The following RNF130 variants were observed in gnomAD, a reference collection of about 807,000 sequenced individuals.
RNF130 encodes the protein ring finger protein 130, also known as E3 ubiquitin-protein ligase RNF130.
RNF130 carries 21 observed loss-of-function variants against 44.6 expected under a neutral mutation model. That is an observed-to-expected ratio of 0.47 (90% confidence interval 0.33 to 0.68). RNF130 has a LOEUF of 0.68. RNF130 is among the 30% of genes least tolerant of loss of function. RNF130 has a pLI of 0.02. For missense variants in RNF130, 479 were observed against 560.6 expected (o/e 0.85, Z 1.47); for synonymous variants, 214 against 210.4 (o/e 1.02, Z -0.15).
chr5:180,025,142 T>C (rs562141427), intron 2 of RNF130, among the ~76,000 whole-genome samples: 1 of 152,214 alleles, frequency 6.6e-6, no homozygotes, highest in Admixed American at 6.5e-5. Context: ...CTAACACCTA[T>C]AGCCTAAGGC....
chr5:179,990,082 A>G (rs184128995), intron 3 of RNF130, among the ~76,000 whole-genome samples: 1 of 152,290 alleles, frequency 6.6e-6, no homozygotes, highest in Admixed American at 6.5e-5. Flanking sequence ...AGATTGCAGA[A>G]ATAAAGACAC....
chr5:179,987,699 C>A (rs918408852), intron 3 of RNF130, among the ~76,000 whole-genome samples: 1 of 152,168 alleles, frequency 6.6e-6, no homozygotes, highest in African/African-American at 2.4e-5. Flanking sequence ...TTTTATCAAA[C>A]GCCTTTTCTG....
chr5:179,954,601 C>A (rs888955572), downstream of RNF130, among the ~76,000 whole-genome samples: 1 of 152,046 alleles, frequency 6.6e-6, no homozygotes, highest in Non-Finnish European at 1.5e-5. Flanking sequence ...AGGTTTTTTA[C>A]GGGGTGATGA....
intron 3 of RNF130, 35 bp downstream of exon 3, chr5:180,013,026 G>A (rs776923341): frequency 1.9e-6 from 3 of 1,590,260 alleles, no homozygotes; most frequent in Non-Finnish European, 2.6e-6. Context: ...AACTCTGGCT[G>A]TTACGAACCA....
chr5:180,023,811 G>A (rs1196614236), intron 2 of RNF130, among the ~76,000 whole-genome samples: 1 of 152,196 alleles, frequency 6.6e-6, no homozygotes, highest in African/African-American at 2.4e-5. Context: ...GGGAGATGGA[G>A]CATAAATCCC....
chr5:179,980,545 C>G (rs1173649327), intron 3 of RNF130: 1 of 220,074 alleles, frequency 4.5e-6, no homozygotes, highest in Non-Finnish European at 9.3e-6. Flanking sequence ...CTTGCACACT[C>G]CAGAGCCACT....
At chr5:179,967,094 G>A (rs1361347527) in intron 6 of RNF130, 84 bp from the exon 7 acceptor site, 45 of 1,293,962 alleles carry the variant, frequency 3.5e-5, no homozygotes, top group South Asian at 3.9e-5. Context: ...AAACTTTGAC[G>A]CCCTGTTGCA....
At chr5:179,998,964 T>C (rs910420482) in intron 3 of RNF130, among the ~76,000 whole-genome samples, 1 of 149,328 alleles carries the variant, frequency 6.7e-6, no homozygotes, top group Admixed American at 6.7e-5. Context: ...CTGATCTCTT[T>C]ATCATTATAT....
At chr5:180,050,348 G>A (rs1045322141) in intron 1 of RNF130, among the ~76,000 whole-genome samples, 1 of 152,218 alleles carries the variant, frequency 6.6e-6, no homozygotes, top group African/African-American at 2.4e-5. Context: ...CAGGCAGGAG[G>A]AAACCCCTCT....
chr5:179,963,504 A>G lies in RNF130; in HGVS notation c.1211T>C (p.Ile404Thr), dbSNP rs1244427833. The change falls in exon 8 of 9, where the codon ATC (isoleucine) becomes ACC (threonine). Residue 404 changes from isoleucine to threonine, a missense_variant. This residue lies in a region of RNF130 where 161 missense variants were observed against 158.6 expected (regional missense o/e 1.02). Transcript: ENST00000521389. ...ATTCAAGCTAGCTGTGGCTCTGATGATCATGTAGCAGAGTGTGAGGGCACT... is the reference window on the plus strand; with the variant it reads ...ATTCAAGCTAGCTGTGGCTCTGATGGTCATGTAGCAGAGTGTGAGGGCACT... ...LLSALTLCYM[I>T]IRATASLNAN... The G allele has an allele frequency of 6.2e-7, 1 of 1,613,924 alleles. No individual in the cohort carries two copies. The highest frequency in any genetic ancestry group is 8.5e-7 in the Non-Finnish European group (1 of 1,179,908).
At chr5:180,039,540 A>T (rs1764356468) in intron 2 of RNF130, among the ~76,000 whole-genome samples, 1 of 152,204 alleles carries the variant, frequency 6.6e-6, no homozygotes, top group African/African-American at 2.4e-5. Context: ...GAAAGGAAGA[A>T]AACAAGTCAG....
At position 180,017,079 on chromosome 5, in the gene RNF130, T is replaced by C. The variant is rs541026792; in HGVS notation, c.443-3768A>G. Among the ~76,000 whole-genome samples, 10 of 152,360 alleles carry C rather than the reference T, an allele frequency of 6.6e-5. No homozygotes were observed. The East Asian group carries it at 1.5e-3, about 24-fold the overall frequency. On this transcript the variant is annotated intron_variant, in intron 2 of 8. Transcript: ENST00000521389. ...CTGTCGGCATCATGCTTAGCTGTCA[T>C]GTCTCATTAGTCTCCTTTGATCTAG...
chr5:179,992,302 C>T (rs931565784), intron 3 of RNF130, among the ~76,000 whole-genome samples: 5 of 152,192 alleles, frequency 3.3e-5, no homozygotes, highest in East Asian at 1.9e-4. Flanking sequence ...CCACCATGCC[C>T]GGCTAATTTT....
intron 1 of RNF130, among the ~76,000 whole-genome samples, chr5:180,045,505 G>C (rs1032612616): frequency 2.0e-5 from 3 of 152,186 alleles, no homozygotes; most frequent in Non-Finnish European, 4.4e-5. Flanking sequence ...AAAGAACAAA[G>C]CTCCCACAGC....
intron 1 of RNF130, among the ~76,000 whole-genome samples, chr5:180,068,896 T>C (rs1765176903): frequency 6.6e-6 from 1 of 152,230 alleles, no homozygotes; most frequent in Non-Finnish European, 1.5e-5. Flanking sequence ...AGTGTCAACG[T>C]GCAGTAAGTC....
At chr5:179,935,224 T>G (rs1761871611) in intron 7 of RNF130, among the ~76,000 whole-genome samples, 1 of 152,196 alleles carries the variant, frequency 6.6e-6, no homozygotes, top group Non-Finnish European at 1.5e-5. Context: ...ACTCTACAGA[T>G]TTCAATCCTT....
At chr5:179,986,554 T>A (rs892763215) in intron 3 of RNF130, among the ~76,000 whole-genome samples, 2 of 152,214 alleles carry the variant, frequency 1.3e-5, no homozygotes, top group East Asian at 1.9e-4. Context: ...GTATGTCACA[T>A]GACATTTCAA....
chr5:180,009,217 C>A (rs1763529245), intron 3 of RNF130, among the ~76,000 whole-genome samples: 1 of 152,054 alleles, frequency 6.6e-6, no homozygotes, highest in African/African-American at 2.4e-5. Flanking sequence ...TTAGACTTGA[C>A]ACCAAAAGCA....
At chr5:180,040,343 A>T in intron 2 of RNF130, 110 bp downstream of exon 2, 1 of 1,015,180 alleles carries the variant, frequency 9.9e-7, no homozygotes, top group Non-Finnish European at 1.5e-6. Flanking sequence ...TGGCAATACT[A>T]ATAGGATTAT....
Sources: allele counts gnomAD v4.1 joint callset (sites outside exome capture counted in the v4.1 genomes callset), GRCh38; gene constraint gnomAD v4.1.1; regional missense constraint gnomAD v4.1.1; transcripts MANE v1.5; gene names NCBI Gene and HGNC (gene_info 2026-07-23, HGNC 2026-07-21).